RTL1: variants seen among roughly 807,000 people sequenced by gnomAD.
RTL1 encodes retrotransposon Gag like 1.
For missense variants in RTL1, 1,681 were observed against 1,767.5 expected, an observed-to-expected ratio of 0.95 and a Z score of 0.88; for synonymous variants, 727 against 748.4, an observed-to-expected ratio of 0.97 and a Z score of 0.47.
In RTL1 at chr14:100,883,371, C is replaced by G; in HGVS notation, c.1418G>C (p.Trp473Ser). The G allele has an allele frequency of 6.4e-7, 1 of 1,550,870 alleles. No individual in the cohort carries two copies. Among genetic ancestry groups the G allele is most frequent in the Non-Finnish European group, 8.7e-7 (1 of 1,146,494 alleles). Residue 473 changes from tryptophan (W) to serine (S), a missense_variant, in exon 4 of 4, where the codon TGG (tryptophan) becomes TCG (serine). Coordinates refer to ENST00000649591, the MANE Select transcript of RTL1 (RefSeq NM_001134888.3). This position sits in a 1 kb window ranked among gnomAD's most constrained non-coding sequence, Gnocchi z 5.9. ...ACACACCAGGGGCTCCGTGTAGAGC[C>G]AGACAGGCTCGTTGCCAATCAGCGA... is the stretch of plus-strand genomic sequence containing the variant. The part of the protein sequence containing the change: ...DGSLIGNEPV[W>S]LYTEPLVCIH...
rs2038656791 is a variant in RTL1 at position 100,883,811 on chromosome 14, C to G, written c.978G>C (p.Leu326Phe). The change falls in exon 4 of 4, where the codon TTG becomes TTC. Residue 326 changes from leucine (L) to phenylalanine (F), a missense_variant. By Grantham distance (22) the Leu-to-Phe change is conservative (BLOSUM62 0). Coordinates refer to ENST00000649591, the MANE Select transcript of RTL1 (RefSeq NM_001134888.3). The surrounding 1 kb of genome is among the most constrained non-coding windows in gnomAD (Gnocchi z 5.9). ...TGATCTCCTCGTTGAGCCCCTGGCA[C>G]AAGTGGGCCTGCAGGACTTCATCTG... is the stretch of plus-strand genomic sequence containing the variant. ...GWPDEVLQAH[L>F]CQGLNEEIRH... The G allele has an allele frequency of 6.4e-7, 1 of 1,551,710 alleles. No homozygotes were observed. The highest frequency in any genetic ancestry group is 1.4e-5 in the African/African-American group (1 of 73,192).
Position 100,884,640 on chromosome 14 carries a change from C to G in RTL1, c.149G>C (p.Gly50Ala). The change falls in exon 4 of 4, where the codon GGC becomes GCC. Residue 50 changes from glycine (G) to alanine (A), a missense_variant. By Grantham distance (60) the Gly-to-Ala change is moderately conservative (BLOSUM62 0). Transcript: ENST00000649591. ...GVRGEAGPAS[G>A]PAQEKKEPPS... The stretch of plus-strand genomic sequence containing the variant: ...GGGCTCCTTCTTTTCCTGGGCTGGG[C>G]CGCTGGCTGGCCCTGCCTCTCCCCG... The G allele has an allele frequency of 6.2e-7, 1 of 1,613,536 alleles. No individual in the cohort carries two copies.
chr14:100,883,239 T>C lies in RTL1; in HGVS notation c.1550A>G (p.Asp517Gly). 6.4e-7 allele frequency: 1 copy of C among 1,551,938 alleles called. No individual in the cohort carries two copies. The highest frequency in any genetic ancestry group is 8.7e-7 in the Non-Finnish European group (1 of 1,147,130). ...GAAGGTGCAGCGGCCTTTGATCCAG[T>C]CGACTTCGGGGGCGTGGACTCGGAG... The part of the protein sequence containing the change: ...RWLRVHAPEV[D>G]WIKGRCTFHS... The change falls in exon 4 of 4, where the codon GAC becomes GGC. Residue 517 changes from aspartate (D) to glycine (G), a missense_variant. Coordinates refer to ENST00000649591, the MANE Select transcript of RTL1 (RefSeq NM_001134888.3). This position sits in a 1 kb window ranked among gnomAD's most constrained non-coding sequence, Gnocchi z 5.9.
At chr14:100,898,388 G>A (rs1384958721) in intron 2 of RTL1, among the ~76,000 whole-genome samples, 4 of 152,150 alleles carry the variant, frequency 2.6e-5, no homozygotes, top group Non-Finnish European at 4.4e-5. Context: ...ACACATCCTC[G>A]ACTGTTCCTT....
intron 2 of RTL1, among the ~76,000 whole-genome samples, 191 bp downstream of exon 2, chr14:100,903,100 C>T (rs1258448957): frequency 6.6e-6 from 1 of 152,140 alleles, no homozygotes; most frequent in African/African-American, 2.4e-5. Context: ...CGAGAATTTG[C>T]ATTGTATATA....
chr14:100,882,068 G>A lies in RTL1; in HGVS notation c.2721C>T (p.Ser907=). The A allele has an allele frequency of 6.2e-7, 1 of 1,605,416 alleles. No individual in the cohort carries two copies. The highest frequency in any genetic ancestry group is 8.5e-7 in the Non-Finnish European group (1 of 1,175,588). ...TGKRACCAFY[S]RNISPIEVEY... is the part of the protein sequence containing the mutation. The stretch of plus-strand genomic sequence containing the variant: ...CAACCTCGATAGGGGAGATGTTGCG[G>A]GAGTAGAAAGCGCAGCAGGCTCTCT... Residue 907 remains serine, a synonymous_variant, in exon 4 of 4, where the codon TCC becomes TCT. Transcript: ENST00000649591.
chr14:100,897,757 G>C (rs532996778), intron 2 of RTL1: 23 of 141,566 alleles, frequency 1.6e-4, no homozygotes, highest in Middle Eastern at 2.9e-3. Flanking sequence ...TTGGCGGGGG[G>C]GGGGGTGGGG....
At chr14:100,892,194 G>T (rs1052519015) in intron 3 of RTL1, among the ~76,000 whole-genome samples, 1 of 152,198 alleles carries the variant, frequency 6.6e-6, no homozygotes, top group Non-Finnish European at 1.5e-5. Flanking sequence ...CTCTCACCCA[G>T]TGGGCTGCAT....
At chr14:100,895,260 C>A (rs1019074734) in intron 2 of RTL1, among the ~76,000 whole-genome samples, 1 of 152,014 alleles carries the variant, frequency 6.6e-6, no homozygotes, top group South Asian at 2.1e-4. Flanking sequence ...AGGGGTCTAC[C>A]TGGAGGTCAG....
intron 3 of RTL1, among the ~76,000 whole-genome samples, chr14:100,892,887 T>C (rs910602180): frequency 2.7e-5 from 4 of 150,926 alleles, no homozygotes; most frequent in African/African-American, 9.7e-5. Context: ...TCCTAACGAG[T>C]TGGGGGATGT....
chr14:100,901,068 C>A (rs1053031346), intron 2 of RTL1, among the ~76,000 whole-genome samples: 1 of 152,232 alleles, frequency 6.6e-6, no homozygotes, highest in African/African-American at 2.4e-5. Flanking sequence ...ATGCTGCCCC[C>A]CCACGGCGGG....
rs1196724730 is a variant in RTL1 at position 100,880,411 on chromosome 14, T to A, written c.*301A>T. Among the ~76,000 whole-genome samples the A allele has an allele frequency of 6.6e-6, 1 of 152,066 alleles. No individual in the cohort carries two copies. The highest frequency in any genetic ancestry group is 6.5e-5 in the Admixed American group (1 of 15,278). ...CACGCGTCATGGGGTCACTTCCTGC[T>A]CACCACTGCTTTCTCCCTCATGGAT... On this transcript the variant is annotated 3_prime_UTR_variant, in exon 4 of 4. Coordinates refer to ENST00000649591, the MANE Select transcript of RTL1 (RefSeq NM_001134888.3).
Position 100,890,074 on chromosome 14 carries a change from GAA to G in RTL1, c.-87+3368_-87+3369del, listed in dbSNP as rs55688942. 2.8e-3 allele frequency among the ~76,000 whole-genome samples: 341 copies of G among 123,856 alleles called. 2 individuals are homozygous for G. Among genetic ancestry groups the G allele is most frequent in the African/African-American group, 8.2e-3 (281 of 34,192 alleles). 81.3% of individuals were successfully genotyped at this position (123,856 alleles called of 152,430 possible). A position where few individuals can be genotyped will look rare whatever the true frequency, so the allele number is the denominator to read the frequency against. ...TGATTTGAAAATTCCCGCCTTATTT[GAA>G]AAAAAAAAAAAAAAAAAGAAGCCCA... On this transcript the variant is annotated intron_variant, in intron 3 of 3. Coordinates refer to ENST00000649591, the MANE Select transcript of RTL1 (RefSeq NM_001134888.3).
intron 3 of RTL1, among the ~76,000 whole-genome samples, chr14:100,885,317 G>A (rs1420735120): frequency 2.0e-5 from 3 of 152,204 alleles, no homozygotes; most frequent in Admixed American, 6.5e-5. Context: ...ACCCCTGGCA[G>A]GCTCAGGGCT....
chr14:100,896,936 C>A (rs956361473), intron 2 of RTL1, among the ~76,000 whole-genome samples: 42 of 152,140 alleles, frequency 2.8e-4, no homozygotes, highest in African/African-American at 1.0e-3. Context: ...TCATTCCACT[C>A]GGCTAATCTC....
chr14:100,882,754 C>G lies in RTL1; in HGVS notation c.2035G>C (p.Gly679Arg). The change falls in exon 4 of 4, where the codon GGG becomes CGG. Residue 679 changes from glycine to arginine, a missense_variant. Transcript: ENST00000649591. Reference sequence around the variant, plus strand: ...TTCCACACATCTTCGGTGCGGTGCCCGTTCACGCTTTCCTCCACAATGGTC... The same window carrying G: ...TTCCACACATCTTCGGTGCGGTGCCGGTTCACGCTTTCCTCCACAATGGTC... Reference protein sequence around the residue: ...RGTIVEESVNGHRTEDVWKAA... With the variant: ...RGTIVEESVNRHRTEDVWKAA... 6.4e-7 allele frequency: 1 copy of G among 1,551,900 alleles called. No individual in the cohort carries two copies. Among genetic ancestry groups the G allele is most frequent in the Non-Finnish European group, 8.7e-7 (1 of 1,147,054 alleles).
At chr14:100,885,509 G>C (rs559442013) in intron 3 of RTL1, among the ~76,000 whole-genome samples, 2 of 148,746 alleles carry the variant, frequency 1.3e-5, no homozygotes, top group African/African-American at 4.9e-5. Context: ...TTCAGGGGGT[G>C]TGTACAGGTC....
intron 2 of RTL1, chr14:100,895,175 T>C (rs989391800): frequency 1.4e-4 from 21 of 152,444 alleles, no homozygotes; most frequent in African/African-American, 4.3e-4. Context: ...CTGTCTGCTA[T>C]GTGAAACCAA....
At chr14:100,899,980 C>T (rs2038919990) in intron 2 of RTL1, among the ~76,000 whole-genome samples, 1 of 152,222 alleles carries the variant, frequency 6.6e-6, no homozygotes. Context: ...GCTCGCCTCC[C>T]TCCCAGACAT....
Sources: allele counts gnomAD v4.1 joint callset (sites outside exome capture counted in the v4.1 genomes callset), GRCh38; gene constraint gnomAD v4.1.1; non-coding constraint Gnocchi (gnomAD v3.1); transcripts MANE v1.5; gene names NCBI Gene and HGNC (gene_info 2026-07-23, HGNC 2026-07-21).